The following POLI variants were observed in gnomAD, a reference collection of about 807,000 sequenced individuals.
POLI encodes the protein RAD30 homolog B.
POLI carries 58 observed loss-of-function variants against 51.6 expected under a neutral mutation model. That is an observed-to-expected ratio of 1.12 (90% CI 0.91 to 1.40). The LOEUF is 1.40. Among genes scored for constraint, POLI ranks in the 40% most tolerant of loss-of-function variants. POLI has a pLI of 0.00. For synonymous variants in POLI, 322 were observed against 299.7 expected, an observed-to-expected ratio of 1.07 and a Z score of -0.77; for missense variants, 921 against 871.3, an observed-to-expected ratio of 1.06 and a Z score of -0.72.
At chr18:54,275,842 A>G (rs559527835) in intron 3 of POLI, among the ~76,000 whole-genome samples, 74 of 151,964 alleles carry the variant, frequency 4.9e-4, no homozygotes, top group Admixed American at 7.2e-4. Flanking sequence ...TACTTTATCA[A>G]TTTTTCTCAC....
Position 54,291,950 on chromosome 18 carries a change from A to G in POLI, c.1316A>G (p.Lys439Arg), listed in dbSNP as rs770514079. ...CTAAGTGTGTGCTTCTGCAACCTTA[A>G]AGCACTAAATACTGCTAAGAAAGGG... ...TLLSVCFCNL[K>R]ALNTAKKGLI... Residue 439 changes from lysine to arginine, a missense_variant, in exon 9 of 10, where the codon AAA becomes AGA. Physicochemically the swap from Lys to Arg is conservative, Grantham distance 26 (BLOSUM62 2). Transcript: ENST00000579534. 1 of 1,609,858 alleles carries G rather than the reference A, an allele frequency of 6.2e-7. No homozygotes were observed. Among genetic ancestry groups the G allele is most frequent in the South Asian group, 1.1e-5 (1 of 90,972 alleles).
At chr18:54,308,472 C>A (rs1198901455) in intron 3 of POLI, among the ~76,000 whole-genome samples, 1 of 152,182 alleles carries the variant, frequency 6.6e-6, no homozygotes, top group African/African-American at 2.4e-5. Context: ...GATGGGCTTC[C>A]CTTTGTGGGT....
chr18:54,316,097 TAG>T (rs1034753431), intron 3 of POLI, among the ~76,000 whole-genome samples: 1 of 152,096 alleles, frequency 6.6e-6, no homozygotes, highest in African/African-American at 2.4e-5. Context: ...CTATTTTTTG[TAG>T]AGACAGGATT....
chr18:54,300,472 A>G (rs1215774782), downstream of POLI, among the ~76,000 whole-genome samples: 1 of 152,118 alleles, frequency 6.6e-6, no homozygotes, highest in East Asian at 1.9e-4. Context: ...GTTTTAATTA[A>G]TAAGCCAGTA....
chr18:54,286,897 T>C (rs2087769757), intron 7 of POLI, among the ~76,000 whole-genome samples: 1 of 152,124 alleles, frequency 6.6e-6, no homozygotes, highest in African/African-American at 2.4e-5. Flanking sequence ...TGAGCTGAGA[T>C]TGTGCCACCA....
chr18:54,302,615 TACAA>T (rs372042743), downstream of POLI, among the ~76,000 whole-genome samples: 145 of 152,326 alleles, frequency 9.5e-4, no homozygotes, highest in African/African-American at 3.3e-3. Flanking sequence ...CTTTTGTGTT[TACAA>T]ACAATCAACT....
At chr18:54,302,020 G>A (rs979094055), downstream of POLI, among the ~76,000 whole-genome samples, 1 of 152,018 alleles carries the variant, frequency 6.6e-6, no homozygotes, top group Non-Finnish European at 1.5e-5. Context: ...TAAGAATGTG[G>A]GACTAAAAAT....
chr18:54,299,799 G>A (rs932263236), downstream of POLI, among the ~76,000 whole-genome samples: 1 of 152,092 alleles, frequency 6.6e-6, no homozygotes, highest in Non-Finnish European at 1.5e-5. Flanking sequence ...TACAATAAAC[G>A]TGAAGAAAAC....
intron 3 of POLI, among the ~76,000 whole-genome samples, chr18:54,317,791 G>A (rs891932087): frequency 2.0e-5 from 3 of 152,148 alleles, no homozygotes; most frequent in African/African-American, 4.8e-5. Flanking sequence ...CTTAAGCCCA[G>A]GAGGTCAAAG....
At chr18:54,288,402 T>A in intron 8 of POLI, among the ~76,000 whole-genome samples, 1 of 152,168 alleles carries the variant, frequency 6.6e-6, no homozygotes. Flanking sequence ...ATGTGTGGTA[T>A]ACGGTAAGGG....
At position 54,291,530 on chromosome 18, in the gene POLI, G is replaced by C. The variant is rs1369113898; in HGVS notation, c.1199-303G>C. 4 of 210,996 alleles carry C rather than the reference G, an allele frequency of 1.9e-5. No individual in the cohort carries two copies. The South Asian group carries it at 3.3e-4, about 18-fold the overall frequency. 13.1% of individuals were successfully genotyped at this position (210,996 alleles called of 1,614,324 possible). A position where few individuals can be genotyped will look rare whatever the true frequency, so the allele number is the denominator to read the frequency against. ...TAGATCAGTACTTCTCACTTTGTTT[G>C]CCTTTGGTTCATTTCCAGATTTCCA... On this transcript the variant is annotated intron_variant, in intron 8 of 9. Transcript: ENST00000579534.
chr18:54,277,985 AT>A, intron 4 of POLI, 130 bp downstream of exon 4: 1 of 681,716 alleles, frequency 1.5e-6, no homozygotes, highest in Non-Finnish European at 2.4e-6. Flanking sequence ...TTAGTCAGTA[AT>A]CTGTCTAGGA....
intron 8 of POLI, among the ~76,000 whole-genome samples, chr18:54,291,081 A>G (rs3730803): frequency 6.6e-6 from 1 of 152,142 alleles, no homozygotes; most frequent in Non-Finnish European, 1.5e-5. Flanking sequence ...TAAGGAGTGT[A>G]TGGGGAGCTT....
chr18:54,294,773 TA>T lies in POLI; in HGVS notation c.*312del. The stretch of plus-strand genomic sequence containing the variant: ...GTGGGGAGATGTATATGTTTATATA[TA>T]AAAAATAGCCAAATCGTTGCAATGA... On this transcript the variant is annotated 3_prime_UTR_variant, in exon 10 of 10. Transcript: ENST00000579534. The T allele has an allele frequency of 1.0e-6, 1 of 991,936 alleles. No homozygotes were observed. Among genetic ancestry groups the T allele is most frequent in the Non-Finnish European group, 1.2e-6 (1 of 830,322 alleles). 61.4% of individuals were successfully genotyped at this position (991,936 alleles called of 1,614,324 possible).
At chr18:54,288,771 T>G (rs1426640054) in intron 8 of POLI, among the ~76,000 whole-genome samples, 1 of 152,196 alleles carries the variant, frequency 6.6e-6, no homozygotes, top group East Asian at 1.9e-4. Flanking sequence ...CTGTACTTTT[T>G]AACTCTAGAA....
At chr18:54,308,005 C>T (rs961553643) in intron 3 of POLI, among the ~76,000 whole-genome samples, 1 of 151,954 alleles carries the variant, frequency 6.6e-6, no homozygotes, top group Non-Finnish European at 1.5e-5. Flanking sequence ...CTCCTCAATA[C>T]AGCACACCAA....
rs1165311252 is a variant in POLI, at chr18:54,289,827, T to C, written c.1199-2006T>C. 4.6e-5 allele frequency among the ~76,000 whole-genome samples: 7 copies of C among 152,070 alleles called. No homozygotes were observed. The East Asian group carries it at 1.3e-3, about 29-fold the overall frequency. On this transcript the variant is annotated intron_variant, in intron 8 of 9. Coordinates refer to ENST00000579534, the MANE Select transcript of POLI (RefSeq NM_007195.3). ...CCTTACACCTTATACAAAAGTTAACTCAAGATGGATTAAAGACTTAAATGT... is the reference window on the plus strand; with the variant it reads ...CCTTACACCTTATACAAAAGTTAACCCAAGATGGATTAAAGACTTAAATGT...
intron 3 of POLI, among the ~76,000 whole-genome samples, chr18:54,317,565 T>G (rs1406080428): frequency 6.6e-6 from 1 of 152,138 alleles, no homozygotes; most frequent in African/African-American, 2.4e-5. Context: ...GCAGAACGTA[T>G]TAAAATTATT....
intron 3 of POLI, among the ~76,000 whole-genome samples, chr18:54,315,688 C>T (rs1213227247): frequency 6.6e-6 from 1 of 152,014 alleles, no homozygotes; most frequent in Non-Finnish European, 1.5e-5. Flanking sequence ...TTGAATTGAA[C>T]CCTTTGTCAT....
Sources: allele counts gnomAD v4.1 joint callset (sites outside exome capture counted in the v4.1 genomes callset), GRCh38; gene constraint gnomAD v4.1.1; transcripts MANE v1.5; gene names NCBI Gene and HGNC (gene_info 2026-07-23, HGNC 2026-07-21).